LGALS8: variants seen among roughly 807,000 people sequenced by gnomAD.
The protein encoded by LGALS8 is galectin-8.
LGALS8 carries 30 observed loss-of-function variants against 35.9 expected under a neutral mutation model. That is an observed-to-expected ratio of 0.83 (90% CI 0.62 to 1.13). The LOEUF is 1.13. Among genes scored for constraint, LGALS8 ranks in the 50% most tolerant of loss-of-function variants. LGALS8 has a pLI of 0.00. For missense variants in LGALS8, 366 were observed against 388.7 expected, an observed-to-expected ratio of 0.94 and a Z score of 0.49; for synonymous variants, 138 against 136.1, an observed-to-expected ratio of 1.01 and a Z score of -0.10.
At chr1:236,520,527 A>G (rs191231557), upstream of LGALS8, among the ~76,000 whole-genome samples, 3 of 152,032 alleles carry the variant, frequency 2.0e-5, no homozygotes, top group East Asian at 5.8e-4. Flanking sequence ...TTCACCTCCC[A>G]TTTCTCAACA....
chr1:236,518,332 A>T (rs1220225451), intron 1 of LGALS8: 1 of 152,140 alleles, frequency 6.6e-6, no homozygotes, highest in Non-Finnish European at 1.5e-5. Context: ...GTGAAAAAAA[A>T]GAGTTTGGTG....
At position 236,550,211 on chromosome 1, in the gene LGALS8, T is replaced by G. The variant is rs1662662346; in HGVS notation, c.*2050T>G. Reference sequence around the variant, plus strand: ...CATTCTGAATCCTGGAGGAGCTTCCTCGTGCCACCCAGTGTTTCTGGGCCC... The same window carrying G: ...CATTCTGAATCCTGGAGGAGCTTCCGCGTGCCACCCAGTGTTTCTGGGCCC... On this transcript the variant is annotated 3_prime_UTR_variant, in exon 10 of 10. Transcript: ENST00000366584. 6.6e-6 allele frequency: 1 copy of G among 152,228 alleles called. No homozygotes were observed. Among genetic ancestry groups the G allele is most frequent in the Non-Finnish European group, 1.5e-5 (1 of 68,046 alleles). The allele number at this position is 152,228 out of a possible 1,614,324, so 9.4% of individuals were successfully genotyped here. A position where few individuals can be genotyped will look rare whatever the true frequency, so the allele number is the denominator to read the frequency against.
chr1:236,548,616 A>G lies in LGALS8; in HGVS notation c.*455A>G. ...GCGCACTGCTTTTTCTACAGGCATT[A>G]CATCAACTCCTAAGGGGTCCTCTGG... On this transcript the variant is annotated 3_prime_UTR_variant, in exon 10 of 10. Coordinates refer to ENST00000366584, the MANE Select transcript of LGALS8 (RefSeq NM_201544.4). The G allele has an allele frequency of 3.4e-6, 1 of 292,228 alleles. No homozygotes were observed. 18.1% of individuals were successfully genotyped at this position (292,228 alleles called of 1,614,324 possible).
At position 236,539,002 on chromosome 1, in the gene LGALS8, G is replaced by A. The variant is rs1489001848; in HGVS notation, c.258G>A (p.Trp86Ter). The A allele has an allele frequency of 1.9e-6, 3 of 1,614,058 alleles. No individual in the cohort carries two copies. The highest frequency in any genetic ancestry group is 2.2e-5 in the East Asian group (1 of 44,904). ...IVCNTLINEKWGREEITYDTP... is the reference protein window; with the variant it reads ...IVCNTLINEK ...GCAATACTTTGATAAATGAAAAATG[G>A]GGACGGGAAGAGATCACCTATGACA... The change falls in exon 4 of 10, where the codon TGG becomes TGA. Residue 86 changes from tryptophan to a stop codon, truncating the protein, a stop_gained. Coordinates refer to ENST00000366584, the MANE Select transcript of LGALS8 (RefSeq NM_201544.4). LOFTEE classifies it high-confidence loss of function.
chr1:236,541,749 ATGT>A, intron 6 of LGALS8, 39 bp downstream of exon 6: 1 of 1,118,618 alleles, frequency 8.9e-7, no homozygotes, highest in Non-Finnish European at 1.3e-6. Flanking sequence ...TGGTTTAAAA[ATGT>A]TGTTTTAGCT....
At chr1:236,536,582 C>T (rs1169182260) in intron 2 of LGALS8, 1 of 152,342 alleles carries the variant, frequency 6.6e-6, no homozygotes, top group Non-Finnish European at 1.5e-5. Context: ...TGAAGACCCA[C>T]AGGCACCCAC....
intron 4 of LGALS8, 41 bp from the exon 5 acceptor site, chr1:236,540,523 T>G: frequency 6.9e-7 from 1 of 1,439,522 alleles, no homozygotes; most frequent in Non-Finnish European, 9.2e-7. Flanking sequence ...AACTGTTTTT[T>G]TTTGGTGGCG....
chr1:236,540,446 C>G, intron 4 of LGALS8, 118 bp from the exon 5 acceptor site: 1 of 1,191,894 alleles, frequency 8.4e-7, no homozygotes, highest in Non-Finnish European at 1.1e-6. Context: ...TGTGTGGAGA[C>G]CTGTGGGAAC....
chr1:236,543,480 C>A (rs2243527), intron 7 of LGALS8, 80 bp from the exon 8 acceptor site: 2 of 1,024,442 alleles, frequency 2.0e-6, no homozygotes, highest in South Asian at 2.6e-5. Flanking sequence ...TGAAACATTC[C>A]GTAGTGTTCT....
At chr1:236,542,684 G>C in intron 6 of LGALS8, 77 bp from the exon 7 acceptor site, 3 of 1,519,566 alleles carry the variant, frequency 2.0e-6, no homozygotes, top group South Asian at 1.1e-5. Context: ...GCTCAGCTCA[G>C]CACAACCAAG....
At position 236,543,662 on chromosome 1, in the gene LGALS8, G is replaced by T; in HGVS notation, c.638+14G>T. 1 of 1,592,592 alleles carries T rather than the reference G, an allele frequency of 6.3e-7. No individual in the cohort carries two copies. The highest frequency in any genetic ancestry group is 2.2e-5 in the East Asian group (1 of 44,730). On this transcript the variant is annotated intron_variant, in intron 8 of 9. Transcript: ENST00000366584. ...AAATGCCAAAAGGTCAGTATCCTTC[G>T]GTACCAGTCACAGTGCAGATACTTC... is the stretch of plus-strand genomic sequence containing the variant.
chr1:236,543,950 CTTTT>C (rs67516195), intron 8 of LGALS8, among the ~76,000 whole-genome samples: 1 of 147,474 alleles, frequency 6.8e-6, no homozygotes, highest in Non-Finnish European at 1.5e-5. Flanking sequence ...AACATCTTTT[CTTTT>C]TTTTTTTTGA....
chr1:236,542,864 G>A (rs1351664752), intron 7 of LGALS8, 77 bp downstream of exon 7: 14 of 1,614,002 alleles, frequency 8.7e-6, no homozygotes, highest in Middle Eastern at 1.6e-4. Flanking sequence ...TTAAACCGTG[G>A]AGGGCAGCTT....
intron 2 of LGALS8, among the ~76,000 whole-genome samples, chr1:236,527,316 G>A (rs978973017): frequency 6.6e-6 from 1 of 152,168 alleles, no homozygotes; most frequent in African/African-American, 2.4e-5. Context: ...TCTGGGGTCA[G>A]TACTCTCAAC....
intron 1 of LGALS8, 56 bp from the exon 2 acceptor site, chr1:236,525,912 A>T (rs1056007792): frequency 2.0e-6 from 1 of 504,772 alleles, no homozygotes; most frequent in African/African-American, 1.9e-5. Context: ...AAAATAGGAT[A>T]TGAAGAAAAA....
At position 236,538,911 on chromosome 1, in the gene LGALS8, T is replaced by G. The variant is rs747942463; in HGVS notation, c.167T>G (p.Met56Arg). Residue 56 changes from methionine (M) to arginine (R), a missense_variant, in exon 4 of 10, where the codon ATG becomes AGG. Coordinates refer to ENST00000366584, the MANE Select transcript of LGALS8 (RefSeq NM_201544.4). ...FQVDLQNGSS[M>R]KPRADVAFHF... ...GTGGATCTGCAGAATGGCAGCAGCA[T>G]GAAACCTCGAGCCGATGTGGCCTTT... The G allele has an allele frequency of 1.9e-6, 3 of 1,613,178 alleles. No individual in the cohort carries two copies. The highest frequency in any genetic ancestry group is 2.5e-6 in the Non-Finnish European group (3 of 1,179,982).
upstream of LGALS8, among the ~76,000 whole-genome samples, chr1:236,520,540 C>T (rs1183941105): frequency 3.3e-5 from 5 of 152,184 alleles, no homozygotes; most frequent in Non-Finnish European, 7.4e-5. Flanking sequence ...TCTCAACACA[C>T]TTCAGAGTCA....
In LGALS8 at chr1:236,551,839, C is replaced by T. The variant is rs1558174180; in HGVS notation, c.*3678C>T. On this transcript the variant is annotated 3_prime_UTR_variant, in exon 10 of 10. Transcript: ENST00000366584. The stretch of plus-strand genomic sequence containing the variant: ...CTCCACCCAACTCAAAACAGGAGCT[C>T]GAGCCTGCCTGTATTTGAGACTGGA... The T allele has an allele frequency of 8.6e-6, 5 of 578,180 alleles. No homozygotes were observed. In the East Asian group the frequency reaches 1.2e-4, roughly 14 times the overall value. 35.8% of individuals were successfully genotyped at this position (578,180 alleles called of 1,614,324 possible).
chr1:236,549,684 C>A lies in LGALS8; in HGVS notation c.*1523C>A, dbSNP rs1662626712. The A allele has an allele frequency of 6.6e-6, 1 of 152,036 alleles. No homozygotes were observed. Among genetic ancestry groups the A allele is most frequent in the Non-Finnish European group, 1.5e-5 (1 of 68,016 alleles). 9.4% of individuals were successfully genotyped at this position (152,036 alleles called of 1,614,324 possible). On this transcript the variant is annotated 3_prime_UTR_variant, in exon 10 of 10. Coordinates refer to ENST00000366584, the MANE Select transcript of LGALS8 (RefSeq NM_201544.4). The stretch of plus-strand genomic sequence containing the variant: ...GTAGAAGGCAAGAAGACTCGAGAAT[C>A]CCCCAGAGTTATTTTTCTCCATAAA...
Sources: gnomAD v4.1 joint callset for allele counts (sites outside exome capture counted in the v4.1 genomes callset) on GRCh38, gnomAD v4.1.1 for gene constraint, MANE v1.5 for transcripts, NCBI Gene and HGNC (gene_info 2026-07-23, HGNC 2026-07-21) for gene names.